The following ITPK1 variants were observed in gnomAD, a reference collection of about 807,000 sequenced individuals.
The protein encoded by ITPK1 is inositol 1,3,4-trisphosphate 5/6-kinase.
A neutral mutation model predicts 45.3 loss-of-function variants in ITPK1; 21 were observed. The ratio of observed to expected loss-of-function variants is 0.46; its 90% CI spans 0.33 to 0.67. The LOEUF (loss-of-function observed/expected upper bound fraction) is 0.67. ITPK1 is among the 30% of genes least tolerant of loss of function. The pLI, the probability that ITPK1 is intolerant of heterozygous loss-of-function variation, is 0.02. For missense variants in ITPK1, 474 were observed against 573.5 expected (o/e 0.83, Z 1.77); for synonymous variants, 258 against 253.6 (o/e 1.02, Z -0.16).
intron 3 of ITPK1, among the ~76,000 whole-genome samples, chr14:93,073,511 G>C (rs933652560): frequency 6.6e-6 from 1 of 152,200 alleles, no homozygotes; most frequent in Non-Finnish European, 1.5e-5. Context: ...TCAATAAAAG[G>C]ACTGTTACTG....
chr14:92,962,862 G>T lies in ITPK1; in HGVS notation c.365-13C>A. 6.3e-7 allele frequency: 1 copy of T among 1,598,108 alleles called. No homozygotes were observed. ...CAGATCCTGTCGTCTAGGGCAGAAG[G>T]GAGGCCTGGTCAGCACAGCTCCTGG... On this transcript the variant is annotated splice_polypyrimidine_tract_variant and intron_variant, in intron 5 of 10. Coordinates refer to ENST00000267615, the MANE Select transcript of ITPK1 (RefSeq NM_014216.6).
chr14:93,030,265 C>T (rs1398406465), intron 3 of ITPK1, among the ~76,000 whole-genome samples: 1 of 152,244 alleles, frequency 6.6e-6, no homozygotes, highest in East Asian at 1.9e-4. Context: ...CACAGCCACC[C>T]TTCTTGCTTC....
intron 5 of ITPK1, among the ~76,000 whole-genome samples, chr14:92,988,259 G>C (rs966002384): frequency 3.3e-5 from 5 of 152,162 alleles, no homozygotes; most frequent in Non-Finnish European, 4.4e-5. Flanking sequence ...GGCTGACACT[G>C]GGGGAGGCAT....
intron 5 of ITPK1, among the ~76,000 whole-genome samples, chr14:92,966,003 C>CA (rs1226594476): frequency 5.3e-5 from 8 of 152,104 alleles, no homozygotes; most frequent in African/African-American, 1.4e-4. Flanking sequence ...AACTCCATAT[C>CA]AAAAAAAGAG....
chr14:93,025,879 G>A (rs1888708745), intron 3 of ITPK1, among the ~76,000 whole-genome samples: 1 of 152,216 alleles, frequency 6.6e-6, no homozygotes, highest in African/African-American at 2.4e-5. Flanking sequence ...CCCAGCATGG[G>A]ATTGTTGGAA....
At chr14:93,086,504 T>C (rs1256035268) in intron 2 of ITPK1, among the ~76,000 whole-genome samples, 5 of 152,230 alleles carry the variant, frequency 3.3e-5, no homozygotes, top group African/African-American at 7.2e-5. Flanking sequence ...GGCTTCTCTG[T>C]CACGCACTGG....
At chr14:92,986,566 G>T (rs968696394) in intron 5 of ITPK1, among the ~76,000 whole-genome samples, 3 of 152,222 alleles carry the variant, frequency 2.0e-5, no homozygotes, top group Non-Finnish European at 2.9e-5. Context: ...GTTGAGAGGG[G>T]ACAGAGGTTT....
rs962366232 is a variant in ITPK1, at chr14:93,107,522, T to C, written c.95+7547A>G. Among the ~76,000 whole-genome samples, 6 of 152,188 alleles carry C rather than the reference T, an allele frequency of 3.9e-5. No individual in the cohort carries two copies. The East Asian group carries it at 7.7e-4, about 20-fold the overall frequency. ...GCTGTCTGGGAGGGCCTTTGGCCTGTGGGTCCCGATTCACCCTCTGGGGCA... is the reference window on the plus strand; with the variant it reads ...GCTGTCTGGGAGGGCCTTTGGCCTGCGGGTCCCGATTCACCCTCTGGGGCA... On this transcript the variant is annotated intron_variant, in intron 2 of 10. Transcript: ENST00000267615.
intron 10 of ITPK1, among the ~76,000 whole-genome samples, chr14:92,943,973 T>C (rs891255525): frequency 2.6e-5 from 4 of 152,196 alleles, no homozygotes; most frequent in East Asian, 1.9e-4. Flanking sequence ...CCACGTGACT[T>C]TGGACAAGCC....
intron 3 of ITPK1, among the ~76,000 whole-genome samples, chr14:93,074,331 A>G (rs531266344): frequency 6.6e-6 from 1 of 152,300 alleles, no homozygotes; most frequent in East Asian, 1.9e-4. Context: ...ATTCTGACAC[A>G]ATGGCTCCAG....
intron 3 of ITPK1, among the ~76,000 whole-genome samples, chr14:93,054,483 C>A (rs911478072): frequency 6.6e-6 from 1 of 152,134 alleles, no homozygotes; most frequent in African/African-American, 2.4e-5. Context: ...CAAGCTAAAA[C>A]CATTGGGAAA....
chr14:92,962,094 G>C (rs551670065), intron 7 of ITPK1, among the ~76,000 whole-genome samples: 39 of 152,352 alleles, frequency 2.6e-4, no homozygotes, highest in African/African-American at 9.1e-4. Flanking sequence ...CTCCACAGAG[G>C]ACAGGTGGGT....
At chr14:93,025,306 G>A (rs919535057) in intron 3 of ITPK1, among the ~76,000 whole-genome samples, 2 of 152,228 alleles carry the variant, frequency 1.3e-5, no homozygotes, top group African/African-American at 4.8e-5. Context: ...CCTGCCTAGC[G>A]CCGCCCACGT....
At chr14:93,061,730 G>A (rs1489234077) in intron 3 of ITPK1, among the ~76,000 whole-genome samples, 6 of 152,088 alleles carry the variant, frequency 3.9e-5, no homozygotes, top group African/African-American at 1.4e-4. Context: ...GTAACCCAAA[G>A]AAATAATCAT....
intron 3 of ITPK1, among the ~76,000 whole-genome samples, chr14:93,042,657 C>T (rs116329845): frequency 0.012 from 1,751 of 152,172 alleles, 51 homozygotes; most frequent in African/African-American, 0.04. Context: ...GTGGCTGCAG[C>T]GCTCAGAGGG....
At chr14:92,942,849 C>G (rs1887501002) in intron 10 of ITPK1, among the ~76,000 whole-genome samples, 2 of 152,232 alleles carry the variant, frequency 1.3e-5, no homozygotes, top group African/African-American at 4.8e-5. Context: ...CCTGCCTGAG[C>G]CAACTTGGAG....
At chr14:93,105,358 G>T (rs1300787211) in intron 2 of ITPK1, among the ~76,000 whole-genome samples, 1 of 152,148 alleles carries the variant, frequency 6.6e-6, no homozygotes, top group East Asian at 1.9e-4. Flanking sequence ...TTGGGGTAAG[G>T]TCTTCTGAGG....
chr14:93,021,141 G>A (rs1419637701), intron 3 of ITPK1, among the ~76,000 whole-genome samples: 3 of 152,016 alleles, frequency 2.0e-5, no homozygotes, highest in African/African-American at 7.3e-5. Flanking sequence ...CCAATAAAGG[G>A]TGAGAGGGCT....
chr14:93,079,414 G>A (rs1052546237), intron 2 of ITPK1, among the ~76,000 whole-genome samples: 1 of 152,244 alleles, frequency 6.6e-6, no homozygotes, highest in East Asian at 1.9e-4. Context: ...ATTACCTGCA[G>A]AGCAGGCCGA....
Sources: gnomAD v4.1 joint callset for allele counts (sites outside exome capture counted in the v4.1 genomes callset) on GRCh38, gnomAD v4.1.1 for gene constraint, MANE v1.5 for transcripts, NCBI Gene and HGNC (gene_info 2026-07-23, HGNC 2026-07-21) for gene names.